Variants in CDK19 observed in about 807,000 individuals in gnomAD.
CDK19 encodes cyclin dependent kinase 19.
In CDK19, 20 loss-of-function variants were observed where a neutral mutation model predicts 68.3. The observed-to-expected ratio is 0.29, with a 90% CI of 0.21 to 0.43. The LOEUF (loss-of-function observed/expected upper bound fraction) is 0.43, where lower values mean the gene tolerates loss of function less well. CDK19 is among the 20% of genes least tolerant of loss of function. The pLI is 1.00. For synonymous variants in CDK19, 221 were observed against 222.8 expected (o/e 0.99, Z 0.07); for missense variants, 339 against 623.5 (o/e 0.54, Z 4.86).
chr6:110,659,797 G>A (rs1013305366), intron 4 of CDK19, among the ~76,000 whole-genome samples: 5 of 152,132 alleles, frequency 3.3e-5, no homozygotes, highest in African/African-American at 1.2e-4. Context: ...ACTGAACAAT[G>A]TTTCTAAAAG....
intron 2 of CDK19, among the ~76,000 whole-genome samples, chr6:110,742,141 G>A (rs950641471): frequency 1.3e-5 from 2 of 152,216 alleles, no homozygotes; most frequent in African/African-American, 2.4e-5. Flanking sequence ...GGACCGGCTG[G>A]AGCCGCAGCA....
At chr6:110,751,923 A>G (rs1378002290) in intron 1 of CDK19, among the ~76,000 whole-genome samples, 1 of 152,002 alleles carries the variant, frequency 6.6e-6, no homozygotes. Context: ...TTTTTCTTCA[A>G]GAAGAATGAT....
chr6:110,694,098 T>C (rs1028505335), intron 2 of CDK19, among the ~76,000 whole-genome samples: 2 of 147,542 alleles, frequency 1.4e-5, no homozygotes, highest in African/African-American at 5.0e-5. Context: ...AAACAAGGTG[T>C]TCAGGCAACA....
rs1305733954 is a variant in CDK19, at chr6:110,815,451, G to A, written c.-315C>T. On this transcript the variant is annotated 5_prime_UTR_variant, in exon 1 of 13. Coordinates refer to ENST00000368911, the MANE Select transcript of CDK19 (RefSeq NM_015076.5). ...GTGGGCCGCGCCGTGGCTTCCTCGA[G>A]CTCATTAGCGAACTCACTGGCCCGC... 1 of 233,542 alleles carries A rather than the reference G, an allele frequency of 4.3e-6. No individual in the cohort carries two copies. The highest frequency in any genetic ancestry group is 8.2e-6 in the Non-Finnish European group (1 of 121,972). 14.5% of individuals were successfully genotyped at this position (233,542 alleles called of 1,614,324 possible).
chr6:110,618,053 C>T (rs1582681247), intron 12 of CDK19, among the ~76,000 whole-genome samples: 3 of 151,938 alleles, frequency 2.0e-5, no homozygotes, highest in South Asian at 2.1e-4. Flanking sequence ...CCCCCTTTTT[C>T]CAGGAATTTT....
chr6:110,696,139 G>A (rs901490271), intron 2 of CDK19, among the ~76,000 whole-genome samples: 1 of 152,106 alleles, frequency 6.6e-6, no homozygotes, highest in African/African-American at 2.4e-5. Flanking sequence ...ATATCGAAAA[G>A]ATAATACACC....
intron 2 of CDK19, among the ~76,000 whole-genome samples, chr6:110,716,938 C>T (rs144936341): frequency 0.032 from 4,793 of 152,134 alleles, 118 homozygotes; most frequent in Non-Finnish European, 0.052. Flanking sequence ...TTGAGACCAC[C>T]CTGGCCAACA....
chr6:110,657,681 T>C (rs1213781408), intron 4 of CDK19, among the ~76,000 whole-genome samples: 1 of 152,260 alleles, frequency 6.6e-6, no homozygotes, highest in Non-Finnish European at 1.5e-5. Context: ...TTAGACCCTC[T>C]TAGTGACCTT....
At chr6:110,714,999 G>A (rs1775262120) in intron 2 of CDK19, among the ~76,000 whole-genome samples, 1 of 152,080 alleles carries the variant, frequency 6.6e-6, no homozygotes, top group Non-Finnish European at 1.5e-5. Flanking sequence ...CTCCCAAAGT[G>A]CTGGAATTAC....
At position 110,612,331 on chromosome 6, in the gene CDK19, T is replaced by G. The variant is rs1341554789; in HGVS notation, c.*2204A>C. ...GATACGTCAATGCCTTTTGTGATAT[T>G]GAATCACTGGCTTTCTCTAAGGTAG... On this transcript the variant is annotated 3_prime_UTR_variant, in exon 13 of 13. Coordinates refer to ENST00000368911, the MANE Select transcript of CDK19 (RefSeq NM_015076.5). 6.6e-6 allele frequency: 1 copy of G among 152,614 alleles called. No individual in the cohort carries two copies. The highest frequency in any genetic ancestry group is 1.5e-5 in the Non-Finnish European group (1 of 68,050). 9.5% of individuals were successfully genotyped at this position (152,614 alleles called of 1,614,324 possible).
chr6:110,744,563 A>G (rs770330788), intron 2 of CDK19, among the ~76,000 whole-genome samples: 2 of 152,118 alleles, frequency 1.3e-5, no homozygotes, highest in Non-Finnish European at 2.9e-5. Flanking sequence ...AAGTAACACA[A>G]ACTTAGAATT....
chr6:110,623,508 T>A, intron 8 of CDK19, 146 bp from the exon 9 acceptor site: 1 of 1,095,956 alleles, frequency 9.1e-7, no homozygotes, highest in Non-Finnish European at 1.3e-6. Flanking sequence ...TTACCAAATA[T>A]TAGCAAATGT....
At chr6:110,787,707 G>A (rs988603830) in intron 1 of CDK19, among the ~76,000 whole-genome samples, 8 of 152,140 alleles carry the variant, frequency 5.3e-5, no homozygotes, top group African/African-American at 1.9e-4. Context: ...CTGCCAAAGT[G>A]CTGGGATTTA....
At chr6:110,643,841 C>T (rs931244047) in intron 4 of CDK19, among the ~76,000 whole-genome samples, 11 of 152,122 alleles carry the variant, frequency 7.2e-5, no homozygotes, top group African/African-American at 2.7e-4. Context: ...CTTTGCAAAG[C>T]TGTGGCAGAA....
intron 2 of CDK19, among the ~76,000 whole-genome samples, chr6:110,735,247 C>G (rs1427374708): frequency 6.6e-6 from 1 of 151,772 alleles, no homozygotes; most frequent in Non-Finnish European, 1.5e-5. Flanking sequence ...ACGCCCAGCA[C>G]ACAAATTTTA....
At chr6:110,677,359 C>T (rs1333854383) in intron 2 of CDK19, among the ~76,000 whole-genome samples, 1 of 151,876 alleles carries the variant, frequency 6.6e-6, no homozygotes, top group Non-Finnish European at 1.5e-5. Flanking sequence ...GTCAGGAGAT[C>T]GAGACCATTC....
chr6:110,786,143 A>T (rs1003849797), intron 1 of CDK19, among the ~76,000 whole-genome samples: 4 of 152,188 alleles, frequency 2.6e-5, no homozygotes, highest in Non-Finnish European at 4.4e-5. Flanking sequence ...GTTGTAAAAG[A>T]AGTCCAAAGC....
At chr6:110,794,257 G>C (rs1355127429) in intron 1 of CDK19, among the ~76,000 whole-genome samples, 2 of 151,938 alleles carry the variant, frequency 1.3e-5, no homozygotes, top group Middle Eastern at 3.4e-3. Context: ...TATTTGGTCA[G>C]GCTGGTCTCG....
intron 1 of CDK19, among the ~76,000 whole-genome samples, chr6:110,757,970 T>G (rs2114935599): frequency 6.6e-6 from 1 of 152,184 alleles, no homozygotes; most frequent in African/African-American, 2.4e-5. Flanking sequence ...GTGGGTGAAT[T>G]GCTTGAGGCC....
Sources: allele counts gnomAD v4.1 joint callset (sites outside exome capture counted in the v4.1 genomes callset), GRCh38; gene constraint gnomAD v4.1.1; transcripts MANE v1.5; gene names NCBI Gene and HGNC (gene_info 2026-07-23, HGNC 2026-07-21).